The following IQCH variants were observed in gnomAD, a reference collection of about 807,000 sequenced individuals.
IQCH encodes the protein IQ motif containing H.
A neutral mutation model predicts 117.0 loss-of-function variants in IQCH; 98 were observed. That is an observed-to-expected ratio of 0.84 (90% CI 0.71 to 0.99). IQCH has a LOEUF of 0.99. Ranked by LOEUF, IQCH falls within the 50% of genes least tolerant of loss-of-function variation. The pLI is 0.00. For missense variants in IQCH, 1,102 were observed against 1,243.8 expected, an observed-to-expected ratio of 0.89 and a Z score of 1.72; for synonymous variants, 412 against 448.2, an observed-to-expected ratio of 0.92 and a Z score of 1.02.
At chr15:67,462,702 T>C (rs1207497843) in intron 16 of IQCH, among the ~76,000 whole-genome samples, 3 of 152,122 alleles carry the variant, frequency 2.0e-5, no homozygotes, top group African/African-American at 7.2e-5. Flanking sequence ...AAAGCATTAA[T>C]ATTATTAACA....
Position 67,457,520 on chromosome 15 carries a change from C to A in IQCH, c.2506-7607C>A, listed in dbSNP as rs1596418095. Among the ~76,000 whole-genome samples, 1 of 152,180 alleles carries A rather than the reference C, an allele frequency of 6.6e-6. No homozygotes were observed. Among genetic ancestry groups the A allele is most frequent in the East Asian group, 1.9e-4 (1 of 5,198 alleles). ...ACAGAAGTCAAGAACCAAGTGAATT[C>A]TTACACCTGCTCAAACTCTGCTCCC... is the stretch of plus-strand genomic sequence containing the variant. On this transcript the variant is annotated intron_variant, in intron 16 of 20. Transcript: ENST00000335894. This position sits in a 1 kb window ranked among gnomAD's most constrained non-coding sequence, Gnocchi z 5.7.
At chr15:67,362,243 A>G (rs1169845141) in intron 8 of IQCH, among the ~76,000 whole-genome samples, 1 of 151,978 alleles carries the variant, frequency 6.6e-6, no homozygotes, top group Non-Finnish European at 1.5e-5. Flanking sequence ...TTTTTATATT[A>G]TTCTCTATAC....
rs1971967114 is a variant in IQCH at position 67,407,775 on chromosome 15, T to G, written c.2097+7470T>G. The G allele has an allele frequency of 6.6e-6, 1 of 152,270 alleles. No homozygotes were observed. The highest frequency in any genetic ancestry group is 2.4e-5 in the African/African-American group (1 of 41,470). The allele number at this position is 152,270 out of a possible 1,614,324, so 9.4% of individuals were successfully genotyped here. On this transcript the variant is annotated intron_variant, in intron 14 of 20. Transcript: ENST00000335894. The surrounding 1 kb of genome is among the most constrained non-coding windows in gnomAD (Gnocchi z 5.3). Reference sequence around the variant, plus strand: ...TAATCATTGTCTACTGCAAGCGTGCTGTTTGTACCTTTTATTTTATTCTAA... The same window carrying G: ...TAATCATTGTCTACTGCAAGCGTGCGGTTTGTACCTTTTATTTTATTCTAA...
At chr15:67,444,619 A>C (rs1945148474) in intron 16 of IQCH, among the ~76,000 whole-genome samples, 1 of 152,206 alleles carries the variant, frequency 6.6e-6, no homozygotes, top group African/African-American at 2.4e-5. Context: ...AGCTGGTCAA[A>C]AGTGCAAGAT....
chr15:67,322,269 G>A (rs1307365357), intron 4 of IQCH, among the ~76,000 whole-genome samples: 1 of 151,810 alleles, frequency 6.6e-6, no homozygotes, highest in Non-Finnish European at 1.5e-5. Flanking sequence ...AGTTCTTTTT[G>A]TCTTAAAGTC....
chr15:67,382,281 T>C (rs189618894), intron 10 of IQCH, among the ~76,000 whole-genome samples: 3 of 152,328 alleles, frequency 2.0e-5, no homozygotes, highest in African/African-American at 7.2e-5. Flanking sequence ...GAGGACCTTA[T>C]TGCCTCAAGA....
intron 4 of IQCH, among the ~76,000 whole-genome samples, chr15:67,330,088 C>T (rs1267478056): frequency 2.6e-5 from 4 of 152,070 alleles, no homozygotes; most frequent in Admixed American, 2.0e-4. Context: ...CGGCTCCCAC[C>T]ATCATGTCTT....
rs923459444 is a variant in IQCH at position 67,432,376 on chromosome 15, A to C, written c.2505+10799A>C. ...AAATACAGAATATCAGCCTAGAATAAAAAAAAATCTGAAAATATTTTCATT... is the reference window on the plus strand; with the variant it reads ...AAATACAGAATATCAGCCTAGAATACAAAAAAATCTGAAAATATTTTCATT... On this transcript the variant is annotated intron_variant, in intron 16 of 20. Coordinates refer to ENST00000335894, the MANE Select transcript of IQCH (RefSeq NM_001031715.3). This position sits in a 1 kb window ranked among gnomAD's most constrained non-coding sequence, Gnocchi z 5.0. 1.3e-5 allele frequency among the ~76,000 whole-genome samples: 2 copies of C among 152,032 alleles called. No homozygotes were observed. Among genetic ancestry groups the C allele is most frequent in the Non-Finnish European group, 2.9e-5 (2 of 67,988 alleles).
intron 4 of IQCH, among the ~76,000 whole-genome samples, chr15:67,336,156 A>G (rs988687240): frequency 4.6e-5 from 7 of 152,132 alleles, no homozygotes; most frequent in South Asian, 4.1e-4. Context: ...TTAGTTAAAT[A>G]GCAAACTGTT....
intron 4 of IQCH, among the ~76,000 whole-genome samples, chr15:67,293,946 G>A (rs1158723882): frequency 1.3e-5 from 2 of 152,168 alleles, no homozygotes; most frequent in African/African-American, 4.8e-5. Context: ...GAGGGAGATC[G>A]AAAGTTATTG....
At chr15:67,267,224 C>G (rs1372070942) in intron 3 of IQCH, among the ~76,000 whole-genome samples, 3 of 152,140 alleles carry the variant, frequency 2.0e-5, no homozygotes, top group Non-Finnish European at 1.5e-5. Context: ...TTATACTTTC[C>G]TCACATGACC....
intron 10 of IQCH, among the ~76,000 whole-genome samples, chr15:67,383,035 T>C (rs950946397): frequency 2.0e-5 from 3 of 152,248 alleles, no homozygotes; most frequent in Admixed American, 2.0e-4. Flanking sequence ...TCCCAACTTC[T>C]GCTCTGCTGA....
rs367963375 is a variant in IQCH, at chr15:67,456,269, C to T, written c.2506-8858C>T. Among the ~76,000 whole-genome samples, 16 of 152,222 alleles carry T rather than the reference C, an allele frequency of 1.1e-4. No individual in the cohort carries two copies. Among genetic ancestry groups the T allele is most frequent in the Admixed American group, 2.6e-4 (4 of 15,302 alleles). On this transcript the variant is annotated intron_variant, in intron 16 of 20. Transcript: ENST00000335894. This position sits in a 1 kb window ranked among gnomAD's most constrained non-coding sequence, Gnocchi z 5.1. ...AGATATAGTTTCTGCATATCATGAA[C>T]GAATTTCCAAAGTCACAGAGAAACT...
At position 67,436,860 on chromosome 15, in the gene IQCH, G is replaced by A. The variant is rs767703976; in HGVS notation, c.2505+15283G>A. Among the ~76,000 whole-genome samples the A allele has an allele frequency of 3.3e-4, 50 of 152,060 alleles. No homozygotes were observed. Among genetic ancestry groups the A allele is most frequent in the South Asian group, 2.1e-4 (1 of 4,820 alleles). On this transcript the variant is annotated intron_variant, in intron 16 of 20. Transcript: ENST00000335894. The surrounding 1 kb of genome is among the most constrained non-coding windows in gnomAD (Gnocchi z 5.1). ...TAGGTACACAACTCCAGTGACCTGG[G>A]AACCTCACCCTCATCCCCCACAACA...
intron 16 of IQCH, among the ~76,000 whole-genome samples, chr15:67,440,965 C>G (rs1282098174): frequency 6.6e-6 from 1 of 151,484 alleles, no homozygotes; most frequent in African/African-American, 2.4e-5. Flanking sequence ...CCTTGAAAAC[C>G]CTAAGGACTC....
Position 67,453,256 on chromosome 15 carries a change from C to A in IQCH, c.2506-11871C>A, listed in dbSNP as rs1204946423. On this transcript the variant is annotated intron_variant, in intron 16 of 20. Transcript: ENST00000335894. The surrounding 1 kb of genome is among the most constrained non-coding windows in gnomAD (Gnocchi z 5.8). ...AGTCATTCTCCATCCAGCTTTGTTC[C>A]GTTGCTGGTGAGGAGCTGCGTTCCT... Among the ~76,000 whole-genome samples, 1 of 152,182 alleles carries A rather than the reference C, an allele frequency of 6.6e-6. No homozygotes were observed. The highest frequency in any genetic ancestry group is 1.5e-5 in the Non-Finnish European group (1 of 68,038).
Position 67,254,800 on chromosome 15 carries a change from C to G in IQCH, c.-97C>G. On this transcript the variant is annotated 5_prime_UTR_variant, in exon 1 of 21. Coordinates refer to ENST00000335894, the MANE Select transcript of IQCH (RefSeq NM_001031715.3). ...GCTCCCAGCGTGGAACAGGCCAGGT[C>G]GCGCGCGGTGTTGCCATGGGGACGA... 1.4e-6 allele frequency: 2 copies of G among 1,405,808 alleles called. No individual in the cohort carries two copies. The highest frequency in any genetic ancestry group is 3.9e-5 in the Admixed American group (2 of 51,792). 87.1% of individuals were successfully genotyped at this position (1,405,808 alleles called of 1,614,324 possible). A position where few individuals can be genotyped will look rare whatever the true frequency, so the allele number is the denominator to read the frequency against.
intron 6 of IQCH, among the ~76,000 whole-genome samples, chr15:67,345,102 G>A (rs1212140332): frequency 6.6e-6 from 1 of 152,132 alleles, no homozygotes; most frequent in Non-Finnish European, 1.5e-5. Flanking sequence ...CGATTCTCCT[G>A]CCTCAGCCTC....
intron 3 of IQCH, among the ~76,000 whole-genome samples, chr15:67,278,714 G>A (rs537079779): frequency 5.3e-5 from 8 of 152,214 alleles, no homozygotes; most frequent in African/African-American, 1.9e-4. Context: ...TGCAAAAGTG[G>A]GTATCACAAT....
Sources: allele counts gnomAD v4.1 joint callset (sites outside exome capture counted in the v4.1 genomes callset), GRCh38; gene constraint gnomAD v4.1.1; non-coding constraint Gnocchi (gnomAD v3.1); transcripts MANE v1.5; gene names NCBI Gene and HGNC (gene_info 2026-07-23, HGNC 2026-07-21).